Variants in ZC3H18 observed in about 807,000 individuals in gnomAD.
The protein encoded by ZC3H18 is zinc finger CCCH-type containing 18, also known as zinc finger CCCH domain-containing protein 18.
In ZC3H18, 8 loss-of-function variants were observed where a neutral mutation model predicts 106.1. That is an observed-to-expected ratio of 0.08 (90% confidence interval 0.04 to 0.14). The LOEUF is 0.14. ZC3H18 is among the 10% of genes least tolerant of loss of function. The probability of loss-of-function intolerance (pLI) is 1.00; values close to 1 mark genes in which losing one functional copy is unlikely to be tolerated. For synonymous variants in ZC3H18, 635 were observed against 522.1 expected, an observed-to-expected ratio of 1.22 and a Z score of -2.95; for missense variants, 1,318 against 1,278.4, an observed-to-expected ratio of 1.03 and a Z score of -0.47.
chr16:88,581,990 T>C (rs2142559030), intron 2 of ZC3H18, among the ~76,000 whole-genome samples: 1 of 152,306 alleles, frequency 6.6e-6, no homozygotes, highest in South Asian at 2.1e-4. Context: ...CACTGGCCCT[T>C]GGAAAGGATA....
intron 6 of ZC3H18, among the ~76,000 whole-genome samples, chr16:88,600,355 G>A (rs1258368350): frequency 6.6e-6 from 1 of 152,224 alleles, no homozygotes; most frequent in Admixed American, 6.5e-5. Context: ...CCTCTTCGCT[G>A]TCAGGGCTGT....
At chr16:88,599,246 A>T (rs976615394) in intron 5 of ZC3H18, among the ~76,000 whole-genome samples, 1 of 152,216 alleles carries the variant, frequency 6.6e-6, no homozygotes, top group Non-Finnish European at 1.5e-5. Flanking sequence ...CCTGAGACTC[A>T]GTGTCTGCTC....
chr16:88,617,214 G>A (rs1475007967), intron 8 of ZC3H18, among the ~76,000 whole-genome samples: 2 of 152,274 alleles, frequency 1.3e-5, no homozygotes, highest in East Asian at 1.9e-4. Flanking sequence ...GGCTCTGGGA[G>A]TTACTGGCTA....
chr16:88,591,738 T>G (rs1229328708), intron 3 of ZC3H18, among the ~76,000 whole-genome samples: 2 of 152,268 alleles, frequency 1.3e-5, no homozygotes, highest in East Asian at 3.8e-4. Flanking sequence ...TGCTTTCAGC[T>G]CTTTCGCATG....
At chr16:88,590,428 A>C (rs190040254) in intron 3 of ZC3H18, among the ~76,000 whole-genome samples, 1 of 152,184 alleles carries the variant, frequency 6.6e-6, no homozygotes, top group Non-Finnish European at 1.5e-5. Flanking sequence ...ATACACTACA[A>C]CTGGAGCTGT....
Position 88,630,744 on chromosome 16 carries a change from G to GCCCTACC in ZC3H18, c.2663+166_2663+167insTACCCCC, listed in dbSNP as rs1257539077. Among the ~76,000 whole-genome samples the GCCCTACC allele has an allele frequency of 1.6e-3, 126 of 76,478 alleles. 23 individuals carry two copies. The highest frequency in any genetic ancestry group is 4.7e-3 in the Admixed American group (29 of 6,200). 50.2% of individuals were successfully genotyped at this position (76,478 alleles called of 152,430 possible). A position where few individuals can be genotyped will look rare whatever the true frequency, so the allele number is the denominator to read the frequency against. On this transcript the variant is annotated intron_variant, in intron 17 of 17. Transcript: ENST00000301011. Reference sequence around the variant, plus strand: ...TGAGGGGCATGGACAGCGAATTGCAGCCCCACCCCCCACCCCCCCCCACAC... The same window carrying GCCCTACC: ...TGAGGGGCATGGACAGCGAATTGCAGCCCTACCCCCCACCCCCCACCCCCCCCCACAC...
chr16:88,587,436 T>C, intron 3 of ZC3H18: 1 of 949,920 alleles, frequency 1.1e-6, no homozygotes, highest in Non-Finnish European at 1.6e-6. Flanking sequence ...TAGGAAGGTG[T>C]TTTTCTCTTT....
At chr16:88,573,981 C>A (rs35279691) in intron 1 of ZC3H18, among the ~76,000 whole-genome samples, 1 of 151,530 alleles carries the variant, frequency 6.6e-6, no homozygotes, top group African/African-American at 2.4e-5. Flanking sequence ...TCAAGCAATT[C>A]TCCTGCCTCA....
chr16:88,583,593 C>T (rs1171804336), intron 2 of ZC3H18, among the ~76,000 whole-genome samples: 1 of 152,246 alleles, frequency 6.6e-6, no homozygotes, highest in Admixed American at 6.5e-5. Context: ...TATAAAGGCT[C>T]TTAAAATTGG....
chr16:88,590,848 C>T (rs1348553481), intron 3 of ZC3H18, among the ~76,000 whole-genome samples: 4 of 151,996 alleles, frequency 2.6e-5, no homozygotes, highest in African/African-American at 9.7e-5. Flanking sequence ...GTGTGAGCCA[C>T]CACACCCGGC....
At chr16:88,595,696 A>G (rs1207820084) in intron 3 of ZC3H18, among the ~76,000 whole-genome samples, 2 of 150,900 alleles carry the variant, frequency 1.3e-5, no homozygotes, top group East Asian at 1.9e-4. Flanking sequence ...AATCCCAGCT[A>G]CTCGGGAGGC....
At chr16:88,608,862 T>G (rs1344402779) in intron 6 of ZC3H18, 72 bp from the exon 7 acceptor site, 5 of 1,283,036 alleles carry the variant, frequency 3.9e-6, no homozygotes, top group Non-Finnish European at 5.6e-6. Context: ...TTTCTGTCCC[T>G]AATGTTTCGT....
intron 3 of ZC3H18, among the ~76,000 whole-genome samples, chr16:88,590,063 A>C (rs1033383833): frequency 1.3e-5 from 2 of 152,192 alleles, no homozygotes; most frequent in Admixed American, 6.5e-5. Flanking sequence ...GGGGAGGATC[A>C]CTTGAGCCCA....
chr16:88,623,090 C>T (rs1024354877), intron 9 of ZC3H18, 129 bp from the exon 10 acceptor site: 51 of 1,347,836 alleles, frequency 3.8e-5, no homozygotes, highest in African/African-American at 1.2e-4. Context: ...GCTGTGCGCG[C>T]GTGCGCAGCT....
chr16:88,598,338 C>T lies in ZC3H18; in HGVS notation c.837+12C>T. The T allele has an allele frequency of 6.3e-7, 1 of 1,588,908 alleles. No individual in the cohort carries two copies. Among genetic ancestry groups the T allele is most frequent in the Non-Finnish European group, 8.5e-7 (1 of 1,170,696 alleles). ...CCGCCAACCCTTGGGTGCGTGATGC[C>T]TCTTCTTTCATTGTTAGCACATCAG... On this transcript the variant is annotated intron_variant, in intron 4 of 17. Transcript: ENST00000301011.
At chr16:88,604,116 T>A (rs1017680887) in intron 6 of ZC3H18, among the ~76,000 whole-genome samples, 1 of 151,748 alleles carries the variant, frequency 6.6e-6, no homozygotes, top group African/African-American at 2.4e-5. Flanking sequence ...TTTTGGGAGG[T>A]CAAGGTTGGC....
chr16:88,572,944 G>A (rs1914503808), intron 1 of ZC3H18, among the ~76,000 whole-genome samples: 1 of 151,878 alleles, frequency 6.6e-6, no homozygotes, highest in African/African-American at 2.4e-5. Context: ...TTTTAGTAGA[G>A]ACAGGGGTTT....
intron 1 of ZC3H18, among the ~76,000 whole-genome samples, chr16:88,572,470 C>T (rs1021299202): frequency 1.3e-5 from 2 of 151,822 alleles, no homozygotes; most frequent in African/African-American, 4.8e-5. Flanking sequence ...GTCATGTATT[C>T]AACAAATATC....
At position 88,580,204 on chromosome 16, in the gene ZC3H18, GTGTGTATA is replaced by G. The variant is rs1319183031; in HGVS notation, c.603+2482_603+2489del. On this transcript the variant is annotated intron_variant, in intron 2 of 17. Transcript: ENST00000301011. ...TGTGTGTGTGTGTGTGTGTGTGTGT[GTGTGTATA>G]TGTATATGTCTCTGCCTGCTGCTTC... 1.7e-3 allele frequency among the ~76,000 whole-genome samples: 119 copies of G among 68,526 alleles called. 1 individual carries two copies. The highest frequency in any genetic ancestry group is 7.3e-3 in the Admixed American group (52 of 7,158). 45.0% of individuals were successfully genotyped at this position (68,526 alleles called of 152,430 possible).
Sources: gnomAD v4.1 joint callset for allele counts (sites outside exome capture counted in the v4.1 genomes callset) on GRCh38, gnomAD v4.1.1 for gene constraint, MANE v1.5 for transcripts, NCBI Gene and HGNC (gene_info 2026-07-23, HGNC 2026-07-21) for gene names.